Variants in AFAP1L2 observed in about 807,000 individuals in gnomAD.
The protein encoded by AFAP1L2 is actin filament associated protein 1 like 2.
In AFAP1L2, 46 loss-of-function variants were observed where a neutral mutation model predicts 99.3. That is an observed-to-expected ratio of 0.46 (90% confidence interval 0.37 to 0.59). AFAP1L2 has a LOEUF of 0.59. Among genes scored for constraint, AFAP1L2 ranks in the 20% least tolerant of loss-of-function variants. The pLI is 0.00. For missense variants in AFAP1L2, 959 were observed against 1,034.9 expected (o/e 0.93, Z 1.01); for synonymous variants, 397 against 419.1 (o/e 0.95, Z 0.64).
intron 4 of AFAP1L2, among the ~76,000 whole-genome samples, chr10:114,327,222 T>C (rs2135439660): frequency 7.2e-6 from 1 of 138,756 alleles, no homozygotes; most frequent in Admixed American, 7.8e-5. Flanking sequence ...TGGAGTATAG[T>C]GGTGTGATCT....
chr10:114,362,927 A>G, intron 1 of AFAP1L2: 3 of 982,114 alleles, frequency 3.1e-6, no homozygotes, highest in Non-Finnish European at 3.6e-6. Context: ...TGTGCCATAG[A>G]TAATTATGAA....
rs185869372 is a variant in AFAP1L2 at position 114,331,479 on chromosome 10, G to T, written c.315+324C>A. Among the ~76,000 whole-genome samples, 27 of 152,186 alleles carry T rather than the reference G, an allele frequency of 1.8e-4. 1 individual carries two copies. The highest frequency in any genetic ancestry group is 9.7e-4 in the East Asian group (5 of 5,162). Reference sequence around the variant, plus strand: ...CCTGGCTAGTGCAAATTTTTTAAAGGTCACTGTGGTCTAGGCTGGTGACCA... The same window carrying T: ...CCTGGCTAGTGCAAATTTTTTAAAGTTCACTGTGGTCTAGGCTGGTGACCA... On this transcript the variant is annotated intron_variant, in intron 4 of 18. Transcript: ENST00000304129.
At chr10:114,290,467 C>A, downstream of AFAP1L2, 5 of 1,468,230 alleles carry the variant, frequency 3.4e-6, no homozygotes, top group South Asian at 2.6e-5. Context: ...AACATTCGTT[C>A]AGTGGAAGAA....
chr10:114,302,574 C>T (rs2041398913), intron 11 of AFAP1L2, 90 bp from the exon 12 acceptor site: 1 of 1,528,438 alleles, frequency 6.5e-7, no homozygotes, highest in South Asian at 1.2e-5. Context: ...GTACCCCTAC[C>T]CCTGAGCCTG....
intron 4 of AFAP1L2, among the ~76,000 whole-genome samples, chr10:114,323,894 T>C (rs2045792057): frequency 6.6e-6 from 1 of 152,198 alleles, no homozygotes; most frequent in Admixed American, 6.5e-5. Flanking sequence ...GTCAAAGTTC[T>C]GTGAGAACCA....
chr10:114,401,713 T>C (rs2058252392), intron 1 of AFAP1L2, among the ~76,000 whole-genome samples: 1 of 152,164 alleles, frequency 6.6e-6, no homozygotes, highest in African/African-American at 2.4e-5. Context: ...TGGAAGTGTC[T>C]CTGCAACAGG....
chr10:114,295,107 C>T lies in AFAP1L2; in HGVS notation c.*935G>A, dbSNP rs2133823944. ...AATTTTAAGAGGGCGATCACCCTAA[C>T]CAAAAATCACCACTTTGTTCTTGGA... On this transcript the variant is annotated 3_prime_UTR_variant, in exon 19 of 19. Coordinates refer to ENST00000304129, the MANE Select transcript of AFAP1L2 (RefSeq NM_001001936.3). 1.0e-6 allele frequency: 1 copy of T among 984,488 alleles called. No homozygotes were observed. Among genetic ancestry groups the T allele is most frequent in the East Asian group, 1.1e-4 (1 of 8,768 alleles). 61.0% of individuals were successfully genotyped at this position (984,488 alleles called of 1,614,324 possible).
intron 1 of AFAP1L2, among the ~76,000 whole-genome samples, chr10:114,366,516 A>T (rs1255903005): frequency 6.6e-6 from 1 of 152,180 alleles, no homozygotes; most frequent in Non-Finnish European, 1.5e-5. Context: ...TATACTCCAC[A>T]CTTCAACTAG....
chr10:114,380,182 C>T (rs1478185349), intron 1 of AFAP1L2, among the ~76,000 whole-genome samples: 2 of 152,198 alleles, frequency 1.3e-5, no homozygotes, highest in African/African-American at 4.8e-5. Flanking sequence ...ACAAGACTCA[C>T]CACAGTCCTT....
intron 1 of AFAP1L2, among the ~76,000 whole-genome samples, chr10:114,374,665 TAGA>T (rs2054564023): frequency 6.6e-6 from 1 of 151,634 alleles, no homozygotes; most frequent in African/African-American, 2.4e-5. Context: ...TGGATGATTC[TAGA>T]AGAAGAAAAA....
At chr10:114,404,881 C>T (rs922604244), upstream of AFAP1L2, 1 of 171,268 alleles carries the variant, frequency 5.8e-6, no homozygotes, top group African/African-American at 2.4e-5. Flanking sequence ...CACCCCTGCC[C>T]GCTGCAAACC....
intron 11 of AFAP1L2, among the ~76,000 whole-genome samples, chr10:114,302,976 T>G (rs1431011357): frequency 6.6e-6 from 1 of 152,236 alleles, no homozygotes; most frequent in Non-Finnish European, 1.5e-5. Context: ...GTTCATGGCT[T>G]CAGTAAAGTC....
At chr10:114,354,928 A>G (rs2051095279) in intron 1 of AFAP1L2, among the ~76,000 whole-genome samples, 1 of 152,206 alleles carries the variant, frequency 6.6e-6, no homozygotes, top group Non-Finnish European at 1.5e-5. Context: ...TAAATATAGA[A>G]GTGAAGGTTG....
At chr10:114,346,678 A>G (rs1428755484) in intron 1 of AFAP1L2, among the ~76,000 whole-genome samples, 2 of 152,170 alleles carry the variant, frequency 1.3e-5, no homozygotes, top group Non-Finnish European at 2.9e-5. Context: ...CCTCCTGTGG[A>G]GCGAGGGAGA....
Position 114,295,681 on chromosome 10 carries a change from G to T in AFAP1L2, c.*361C>A, listed in dbSNP as rs1589883801. The T allele has an allele frequency of 2.9e-6, 3 of 1,042,182 alleles. No homozygotes were observed. The East Asian group carries it at 2.5e-4, about 88-fold the overall frequency. 64.6% of individuals were successfully genotyped at this position (1,042,182 alleles called of 1,614,324 possible). A position where few individuals can be genotyped will look rare whatever the true frequency, so the allele number is the denominator to read the frequency against. On this transcript the variant is annotated 3_prime_UTR_variant, in exon 19 of 19. Transcript: ENST00000304129. ...CACGTGACCCATAAGACAGGGCCCT[G>T]CTTCCTTGATTCATCTTCCACCAAA... is the stretch of plus-strand genomic sequence containing the variant.
chr10:114,290,031 G>A (rs897088444), downstream of AFAP1L2: 23 of 493,388 alleles, frequency 4.7e-5, no homozygotes, highest in African/African-American at 2.0e-5. Flanking sequence ...TGTATGGCAC[G>A]TCTGAGCAAT....
the AFAP1L2 span, chr10:114,280,971 G>A: frequency 6.6e-6 from 1 of 152,132 alleles, no homozygotes; most frequent in African/African-American, 2.4e-5. Flanking sequence ...AAACTCCTGA[G>A]CTCAATTCCT....
At chr10:114,283,216 A>T in the AFAP1L2 span, among the ~76,000 whole-genome samples, 1 of 152,122 alleles carries the variant, frequency 6.6e-6, no homozygotes, top group Non-Finnish European at 1.5e-5. Context: ...CCCGATGAGT[A>T]GCCTGTCTCC....
chr10:114,308,336 C>A, intron 9 of AFAP1L2, 97 bp downstream of exon 9: 1 of 1,024,436 alleles, frequency 9.8e-7, no homozygotes, highest in South Asian at 1.5e-5. Context: ...AATAGGGGGC[C>A]ATGTTAGAAT....
Sources: gnomAD v4.1 joint callset for allele counts (sites outside exome capture counted in the v4.1 genomes callset) on GRCh38, gnomAD v4.1.1 for gene constraint, MANE v1.5 for transcripts, NCBI Gene and HGNC (gene_info 2026-07-23, HGNC 2026-07-21) for gene names.